Variants in TBX1 observed in about 807,000 individuals in gnomAD.
The protein encoded by TBX1 is T-box transcription factor TBX1.
In TBX1, 16 loss-of-function variants were observed where a neutral mutation model predicts 40.8. The ratio of observed to expected loss-of-function variants is 0.39; its 90% CI spans 0.27 to 0.60. The LOEUF (loss-of-function observed/expected upper bound fraction) is 0.60. TBX1 is among the 20% of genes least tolerant of loss of function. TBX1 has a pLI of 0.51. For missense variants in TBX1, 755 were observed against 728.5 expected (o/e 1.04, Z -0.42); for synonymous variants, 403 against 336.8 (o/e 1.20, Z -2.15).
In TBX1 at chr22:19,766,874, C is replaced by T. The variant is rs775903697; in HGVS notation, c.*7C>T. 8 of 1,585,410 alleles carry T rather than the reference C, an allele frequency of 5.0e-6. No homozygotes were observed. The highest frequency in any genetic ancestry group is 4.5e-5 in the South Asian group (4 of 89,650). The stretch of plus-strand genomic sequence containing the variant: ...CGACTATTGCCCCAGATAACACGGG[C>T]CCTGTCGCGCTCCCGCCCCGGTCCT... On this transcript the variant is annotated 3_prime_UTR_variant, in exon 7 of 7. Coordinates refer to ENST00000649276, the MANE Select transcript of TBX1 (RefSeq NM_001379200.1).
intron 8 of TBX1, among the ~76,000 whole-genome samples, chr22:19,773,875 G>A (rs944676324): frequency 1.3e-5 from 2 of 152,218 alleles, no homozygotes; most frequent in East Asian, 1.9e-4. Context: ...GCCCTCAGCC[G>A]CCGAGTTTCC....
chr22:19,764,528 G>C (rs1191871971), intron 3 of TBX1, among the ~76,000 whole-genome samples: 1 of 152,242 alleles, frequency 6.6e-6, no homozygotes, highest in Admixed American at 6.5e-5. Flanking sequence ...TGCCGATGAG[G>C]AGAGCGGCCT....
Position 19,760,975 on chromosome 22 carries a change from C to T in TBX1, c.132C>T (p.Ala44=). 1.0e-6 allele frequency: 1 copy of T among 972,888 alleles called. No individual in the cohort carries two copies. Among genetic ancestry groups the T allele is most frequent in the Non-Finnish European group, 1.2e-6 (1 of 820,954 alleles). The allele number at this position is 972,888 out of a possible 1,614,324, so 60.3% of individuals were successfully genotyped here. Reference sequence around the variant, plus strand: ...TCCCGGGCGCCGCGTCGCCCGGCGCCGACCCGTACGGCCCGCGCGAGCCCC... The same window carrying T: ...TCCCGGGCGCCGCGTCGCCCGGCGCTGACCCGTACGGCCCGCGCGAGCCCC... ...GGFPGAASPG[A]DPYGPREPPP... is the part of the protein sequence containing the mutation. Residue 44 remains alanine (A), a synonymous_variant, in exon 1 of 7, where the codon GCC becomes GCT. Transcript: ENST00000649276.
Position 19,761,096 on chromosome 22 carries a change from G to A in TBX1, c.253G>A (p.Ala85Thr), listed in dbSNP as rs769629385. The change falls in exon 1 of 7, where the codon GCC (alanine) becomes ACC (threonine). Residue 85 changes from alanine (A) to threonine (T), a missense_variant. Coordinates refer to ENST00000649276, the MANE Select transcript of TBX1 (RefSeq NM_001379200.1). ...PPHAYPFAPA[A>T]GAATSAAAEP... ...GCACGCCTACCCGTTTGCGCCGGCCGCCGGGGCCGCCACCAGCGCCGCCGC... is the reference window on the plus strand; with the variant it reads ...GCACGCCTACCCGTTTGCGCCGGCCACCGGGGCCGCCACCAGCGCCGCCGC... 15 of 1,121,090 alleles carry A rather than the reference G, an allele frequency of 1.3e-5. No individual in the cohort carries two copies. The South Asian group carries it at 4.9e-4, about 37-fold the overall frequency. The allele number at this position is 1,121,090 out of a possible 1,614,324, so 69.4% of individuals were successfully genotyped here.
chr22:19,773,369 C>A (rs1475288247), intron 8 of TBX1, among the ~76,000 whole-genome samples: 2 of 152,152 alleles, frequency 1.3e-5, no homozygotes. Flanking sequence ...CACATAGGAG[C>A]ACATCCCAAG....
downstream of TBX1, among the ~76,000 whole-genome samples, chr22:19,771,446 C>G (rs914519817): frequency 1.3e-5 from 2 of 152,228 alleles, no homozygotes; most frequent in Non-Finnish European, 2.9e-5. Context: ...GTGTGGGAAA[C>G]AGCAGAACCA....
upstream of TBX1, among the ~76,000 whole-genome samples, chr22:19,756,948 C>A (rs1229135798): frequency 1.3e-5 from 2 of 151,978 alleles, no homozygotes; most frequent in Non-Finnish European, 2.9e-5. Context: ...CGGGGCGGTG[C>A]CCTAGGCGGG....
Position 19,766,461 on chromosome 22 carries a change from C to T in TBX1, c.1109C>T (p.Pro370Leu). 1 of 1,330,474 alleles carries T rather than the reference C, an allele frequency of 7.5e-7. No individual in the cohort carries two copies. The highest frequency in any genetic ancestry group is 9.7e-7 in the Non-Finnish European group (1 of 1,033,838). The allele number at this position is 1,330,474 out of a possible 1,614,324, so 82.4% of individuals were successfully genotyped here. The stretch of plus-strand genomic sequence containing the variant: ...GCAGTGCTCGGGGACCCGGCGCATC[C>T]TCCGCAGCTGCTGGCCCGGGTGCTA... ...GPAVLGDPAH[P>L]PQLLARVLSP... Residue 370 changes from proline to leucine, a missense_variant, in exon 7 of 7, where the codon CCT (proline) becomes CTT (leucine). Pro to Leu is a moderately conservative substitution (Grantham distance 98). Around this residue, in one of 3 missense-constraint regions of TBX1, gnomAD observed 412 missense variants for 317.6 expected, o/e 1.30. Coordinates refer to ENST00000649276, the MANE Select transcript of TBX1 (RefSeq NM_001379200.1).
chr22:19,776,253 C>T lies in TBX1; in HGVS notation c.1010-2967C>T, dbSNP rs572330522. Among the ~76,000 whole-genome samples the T allele has an allele frequency of 2.6e-5, 4 of 152,268 alleles. No individual in the cohort carries two copies. The East Asian group carries it at 7.7e-4, about 29-fold the overall frequency. ...TCTCTCTCAGGGGTGGTTTCTCTGT[C>T]CCTACCCAATATGGTGCTCTATAGC... is the stretch of plus-strand genomic sequence containing the variant. On this transcript the variant is annotated intron_variant, in intron 8 of 8. Transcript: ENST00000329705.
chr22:19,766,045 G>C (rs1434013498), intron 6 of TBX1, 43 bp downstream of exon 6: 1 of 1,432,490 alleles, frequency 7.0e-7, no homozygotes, highest in Admixed American at 2.5e-5. Context: ...CCCTGTGCGC[G>C]CTCTACCCCG....
chr22:19,765,214 C>T, intron 4 of TBX1, 101 bp downstream of exon 4: 1 of 1,559,870 alleles, frequency 6.4e-7, no homozygotes, highest in Non-Finnish European at 8.8e-7. Context: ...CTTAGACCTG[C>T]AGGCTGTGGT....
intron 8 of TBX1, among the ~76,000 whole-genome samples, chr22:19,776,133 C>T (rs1937061312): frequency 6.6e-6 from 1 of 152,130 alleles, no homozygotes; most frequent in African/African-American, 2.4e-5. Flanking sequence ...CCTGGAAGTC[C>T]CAGCGGCTTC....
chr22:19,779,368 C>T, exon 9 of TBX1: 1 of 1,614,200 alleles, frequency 6.2e-7, no homozygotes, highest in South Asian at 1.1e-5. Flanking sequence ...ATACCCAGGG[C>T]CTGGTGGCTG....
chr22:19,772,803 G>A (rs1937009808), intron 8 of TBX1, among the ~76,000 whole-genome samples: 1 of 152,226 alleles, frequency 6.6e-6, no homozygotes, highest in Non-Finnish European at 1.5e-5. Flanking sequence ...CTGTGGTTTG[G>A]ACCTTCAGCC....
At chr22:19,782,828 A>G, downstream of TBX1, 4 of 1,611,346 alleles carry the variant, frequency 2.5e-6, no homozygotes, top group Non-Finnish European at 3.4e-6. Context: ...AGAAACAAGG[A>G]CAAGCCTTAT....
Position 19,765,024 on chromosome 22 carries a change from G to C in TBX1, c.778G>C (p.Asp260His). 6.2e-7 allele frequency: 1 copy of C among 1,614,198 alleles called. No individual in the cohort carries two copies. Among genetic ancestry groups the C allele is most frequent in the Non-Finnish European group, 8.5e-7 (1 of 1,180,030 alleles). ...FHVVYVDPRK[D>H]SEKYAEENFK... ...CGTGGTCTATGTGGACCCACGCAAA[G>C]ATAGCGAGAAATATGCCGAGGAGAA... Residue 260 changes from aspartate (D) to histidine (H), a missense_variant, in exon 4 of 7, where the codon GAT becomes CAT. By Grantham distance (81) the Asp-to-His change is moderately conservative. Coordinates refer to ENST00000649276, the MANE Select transcript of TBX1 (RefSeq NM_001379200.1).
chr22:19,782,818 A>G, downstream of TBX1: 1 of 1,607,596 alleles, frequency 6.2e-7, no homozygotes, highest in Non-Finnish European at 8.5e-7. Context: ...CTACACAAAG[A>G]GAAACAAGGA....
At chr22:19,777,068 T>G (rs1432385340) in intron 8 of TBX1, among the ~76,000 whole-genome samples, 1 of 134,756 alleles carries the variant, frequency 7.4e-6, no homozygotes, top group Non-Finnish European at 1.6e-5. Context: ...TTTAATATAA[T>G]TTAATTATTA....
At chr22:19,773,122 T>C (rs1937015658) in intron 8 of TBX1, among the ~76,000 whole-genome samples, 1 of 152,154 alleles carries the variant, frequency 6.6e-6, no homozygotes, top group South Asian at 2.1e-4. Flanking sequence ...TGAGGCAAAA[T>C]ACGGAAACAG....
Sources: gnomAD v4.1 joint callset for allele counts (sites outside exome capture counted in the v4.1 genomes callset) on GRCh38, gnomAD v4.1.1 for gene constraint, gnomAD v4.1.1 regional missense constraint, MANE v1.5 for transcripts, NCBI Gene and HGNC (gene_info 2026-07-23, HGNC 2026-07-21) for gene names.